Variants in TBCD observed in about 807,000 individuals in gnomAD.
The protein encoded by TBCD is tubulin folding cofactor D, also known as tubulin-specific chaperone D.
Under a neutral mutation model 169.3 loss-of-function variants are expected in TBCD, and 105 were observed. The observed-to-expected ratio is 0.62, with a 90% CI of 0.53 to 0.73. The LOEUF is 0.73. TBCD is among the 30% of genes least tolerant of loss of function. The pLI, the probability that TBCD is intolerant of heterozygous loss-of-function variation, is 0.00. For synonymous variants in TBCD, 700 were observed against 643.9 expected (o/e 1.09, Z -1.32); for missense variants, 1,444 against 1,600.1 (o/e 0.90, Z 1.66).
chr17:82,887,166 TGTGCGCGCGCGCGC>T (rs2058789284), intron 15 of TBCD, among the ~76,000 whole-genome samples: 5 of 109,042 alleles, frequency 4.6e-5, no homozygotes, highest in Admixed American at 2.6e-4. Flanking sequence ...TGTGTGTGTG[TGTGCGCGCGCGCGC>T]ACGTGCGCTC....
At chr17:82,818,490 C>T (rs750176398) in intron 13 of TBCD, among the ~76,000 whole-genome samples, 1 of 152,170 alleles carries the variant, frequency 6.6e-6, no homozygotes, top group Non-Finnish European at 1.5e-5. Context: ...TTGGGAGCCA[C>T]GTGTGGTGGC....
At chr17:82,937,639 G>A (rs1406600246) in intron 35 of TBCD, 1 of 600,968 alleles carries the variant, frequency 1.7e-6, no homozygotes, top group Non-Finnish European at 2.9e-6. Context: ...GAGCTGCGTG[G>A]TCAGGGGCTG....
rs375559481 is a variant in TBCD at position 82,890,861 on chromosome 17, C to T, written c.1563+1164C>T. On this transcript the variant is annotated intron_variant, in intron 16 of 38. Coordinates refer to ENST00000355528, the MANE Select transcript of TBCD (RefSeq NM_005993.5). The surrounding 1 kb of genome is among the most constrained non-coding windows in gnomAD (Gnocchi z 5.3). ...CCGCCCAGGCCAAGGAGAATGTGAA[C>T]GAGGTTTGGTCTTTTGAGTGGAGAG... Among the ~76,000 whole-genome samples, 85 of 152,290 alleles carry T rather than the reference C, an allele frequency of 5.6e-4. No homozygotes were observed. The Middle Eastern group carries it at 0.01, about 18-fold the overall frequency.
chr17:82,937,932 A>G (rs951549428), intron 35 of TBCD, 117 bp from the exon 36 acceptor site: 5 of 1,543,560 alleles, frequency 3.2e-6, no homozygotes, highest in Non-Finnish European at 4.4e-6. Context: ...CCAGGCCCGC[A>G]CTGTGCTCAC....
intron 17 of TBCD, among the ~76,000 whole-genome samples, chr17:82,897,062 C>T (rs898101): frequency 0.99 from 151,300 of 152,266 alleles, 75,178 homozygotes; most frequent in East Asian, 1. Flanking sequence ...CGCCCATTTA[C>T]TTATTAGGTT....
At chr17:82,887,054 C>T (rs189884783) in intron 15 of TBCD, among the ~76,000 whole-genome samples, 1 of 151,874 alleles carries the variant, frequency 6.6e-6, no homozygotes, top group Admixed American at 6.6e-5. Context: ...CTGGCAAAAC[C>T]GCAATGGAAC....
At chr17:82,752,785 G>A (rs1294370611) in intron 1 of TBCD, among the ~76,000 whole-genome samples, 2 of 152,218 alleles carry the variant, frequency 1.3e-5, no homozygotes, top group East Asian at 1.9e-4. Flanking sequence ...TCCCAGGCTT[G>A]CCTCCACCGA....
chr17:82,785,868 G>A (rs542445155), intron 7 of TBCD, among the ~76,000 whole-genome samples: 23 of 147,930 alleles, frequency 1.6e-4, no homozygotes, highest in African/African-American at 4.3e-4. Flanking sequence ...GGTCCATGCT[G>A]TGTGACTGGG....
intron 12 of TBCD, among the ~76,000 whole-genome samples, chr17:82,812,472 C>A (rs978264569): frequency 1.3e-5 from 2 of 152,264 alleles, no homozygotes; most frequent in Middle Eastern, 3.4e-3. Flanking sequence ...CAGAGCCCCC[C>A]CGCAGGTGAC....
intron 13 of TBCD, chr17:82,859,500 C>T: frequency 1.0e-6 from 1 of 966,384 alleles, no homozygotes; most frequent in Non-Finnish European, 1.2e-6. Flanking sequence ...CACTGGCTTT[C>T]AGGGAGATTG....
intron 6 of TBCD, among the ~76,000 whole-genome samples, chr17:82,776,300 T>C (rs950349032): frequency 2.6e-4 from 40 of 152,122 alleles, no homozygotes; most frequent in Non-Finnish European, 5.0e-4. Context: ...GTCCCAGCTA[T>C]TCCGAAGGCT....
In TBCD at chr17:82,831,940, C is replaced by T. The variant is rs766625742; in HGVS notation, c.1318+17006C>T. ...CTCGGGCGCCTCGGCGTTGTCTGGC[C>T]CCTTGAGTCTGTGCTCGCCGACTGG... On this transcript the variant is annotated intron_variant, in intron 13 of 38. Transcript: ENST00000355528. This position sits in a 1 kb window ranked among gnomAD's most constrained non-coding sequence, Gnocchi z 4.6. 1.2e-6 allele frequency: 2 copies of T among 1,614,106 alleles called. No individual in the cohort carries two copies. The highest frequency in any genetic ancestry group is 1.7e-6 in the Non-Finnish European group (2 of 1,180,020).
In TBCD at chr17:82,923,607, T is replaced by A. The variant is rs1396476844; in HGVS notation, c.2179-45T>A. 1 of 1,502,906 alleles carries A rather than the reference T, an allele frequency of 6.7e-7. No homozygotes were observed. The highest frequency in any genetic ancestry group is 1.4e-5 in the African/African-American group (1 of 71,972). 93.1% of individuals were successfully genotyped at this position (1,502,906 alleles called of 1,614,324 possible). On this transcript the variant is annotated intron_variant, in intron 25 of 38. Coordinates refer to ENST00000355528, the MANE Select transcript of TBCD (RefSeq NM_005993.5). This position sits in a 1 kb window ranked among gnomAD's most constrained non-coding sequence, Gnocchi z 4.6. ...TGCTCTGTCCCTGGCCGGGGGCTTC[T>A]CCGAGCAGAGCTGCTGTGCGCTCAC... is the stretch of plus-strand genomic sequence containing the variant.
At chr17:82,794,807 C>CT (rs1263600338) in intron 7 of TBCD, among the ~76,000 whole-genome samples, 2 of 152,228 alleles carry the variant, frequency 1.3e-5, no homozygotes, top group Non-Finnish European at 2.9e-5. Flanking sequence ...ACTTTTGGGG[C>CT]TTTTCTCTGT....
At chr17:82,939,149 G>A in intron 36 of TBCD, 1 of 597,160 alleles carries the variant, frequency 1.7e-6, no homozygotes, top group Non-Finnish European at 3.0e-6. Context: ...CTGGGATCCT[G>A]CAGCTAGCTG....
chr17:82,870,215 C>G lies in TBCD; in HGVS notation c.1319-9C>G, dbSNP rs1366294768. The G allele has an allele frequency of 6.2e-7, 1 of 1,612,606 alleles. No homozygotes were observed. The highest frequency in any genetic ancestry group is 8.5e-7 in the Non-Finnish European group (1 of 1,179,854). On this transcript the variant is annotated splice_polypyrimidine_tract_variant and intron_variant, in intron 13 of 38. Coordinates refer to ENST00000355528, the MANE Select transcript of TBCD (RefSeq NM_005993.5). ...GCTCCTCACCGTCTTTTCTCTTGTC[C>G]TTGCCCAGTTGTCGCCGTGATCCTG...
chr17:82,798,030 G>A (rs1598556436), intron 8 of TBCD, among the ~76,000 whole-genome samples: 1 of 117,642 alleles, frequency 8.5e-6, no homozygotes, highest in Non-Finnish European at 1.6e-5. Context: ...AGGCTGGATT[G>A]CAGTGGCACA....
At position 82,764,058 on chromosome 17, in the gene TBCD, C is replaced by G. The variant is rs778520826; in HGVS notation, c.329C>G (p.Thr110Ser). ...GCTTTTAAATTTCTTTACATCATCA[C>G]CAAGGTAACATTTCCATAGCACTTC... ...HLAFKFLYIITKVRGYKTFLR... is the reference protein window; with the variant it reads ...HLAFKFLYIISKVRGYKTFLR... The change falls in exon 3 of 39, where the codon ACC (threonine) becomes AGC (serine). Residue 110 changes from threonine to serine, a missense_variant. Physicochemically the swap from Thr to Ser is moderately conservative, Grantham distance 58. Transcript: ENST00000355528. 1.2e-5 allele frequency: 19 copies of G among 1,612,310 alleles called. No individual in the cohort carries two copies. The highest frequency in any genetic ancestry group is 1.5e-5 in the Non-Finnish European group (18 of 1,178,682).
intron 13 of TBCD, among the ~76,000 whole-genome samples, chr17:82,820,737 A>T (rs1185163608): frequency 6.6e-6 from 1 of 151,494 alleles, no homozygotes; most frequent in Admixed American, 6.6e-5. Context: ...TTCTGCCCTC[A>T]TTTCAGCTCT....
Sources: gnomAD v4.1 joint callset for allele counts (sites outside exome capture counted in the v4.1 genomes callset) on GRCh38, gnomAD v4.1.1 for gene constraint, Gnocchi (gnomAD v3.1) non-coding constraint, MANE v1.5 for transcripts, NCBI Gene and HGNC (gene_info 2026-07-23, HGNC 2026-07-21) for gene names.